Variants in FAM120A observed in about 807,000 individuals in gnomAD.
FAM120A encodes family with sequence similarity 120 member A.
Under a neutral mutation model 109.7 loss-of-function variants are expected in FAM120A, and 15 were observed. The ratio of observed to expected loss-of-function variants is 0.14; its 90% CI spans 0.09 to 0.21. The LOEUF (loss-of-function observed/expected upper bound fraction) is 0.21. FAM120A is among the 10% of genes least tolerant of loss of function. FAM120A has a pLI of 1.00. For missense variants in FAM120A, 899 were observed against 1,439.3 expected, an observed-to-expected ratio of 0.62 and a Z score of 6.07; for synonymous variants, 493 against 572.8, an observed-to-expected ratio of 0.86 and a Z score of 1.99.
chr9:93,494,495 C>T (rs1351800763), intron 3 of FAM120A, among the ~76,000 whole-genome samples: 2 of 152,172 alleles, frequency 1.3e-5, no homozygotes, highest in East Asian at 1.9e-4. Flanking sequence ...TGCCTCACTC[C>T]AGCATTCGTG....
Position 93,532,481 on chromosome 9 carries a change from A to C in FAM120A, c.1909+152A>C. The C allele has an allele frequency of 1.4e-6, 1 of 709,198 alleles. No individual in the cohort carries two copies. Among genetic ancestry groups the C allele is most frequent in the Non-Finnish European group, 2.4e-6 (1 of 419,604 alleles). 43.9% of individuals were successfully genotyped at this position (709,198 alleles called of 1,614,324 possible). On this transcript the variant is annotated intron_variant, in intron 10 of 17. Transcript: ENST00000277165. The surrounding 1 kb of genome is among the most constrained non-coding windows in gnomAD (Gnocchi z 4.3). ...CATCATCGGGGCAGTAGGCCAGGGT[A>C]AAGGCTCTTAGAAAAGGAGGAGAAG...
chr9:93,519,789 C>A (rs995980361), intron 7 of FAM120A, among the ~76,000 whole-genome samples: 3 of 151,876 alleles, frequency 2.0e-5, no homozygotes, highest in Admixed American at 2.0e-4. Context: ...TAGTGATGGG[C>A]GATGGGGATT....
chr9:93,520,784 T>C (rs1564341897), intron 7 of FAM120A, among the ~76,000 whole-genome samples: 1 of 152,216 alleles, frequency 6.6e-6, no homozygotes, highest in Non-Finnish European at 1.5e-5. Context: ...AATATGCTCT[T>C]GTAACCCCAA....
chr9:93,463,950 C>A (rs1486725112), intron 1 of FAM120A, among the ~76,000 whole-genome samples: 1 of 152,166 alleles, frequency 6.6e-6, no homozygotes, highest in Non-Finnish European at 1.5e-5. Flanking sequence ...TGCTTCTGAG[C>A]TGTTTACATG....
At chr9:93,556,930 T>C (rs1234705796) in intron 13 of FAM120A, among the ~76,000 whole-genome samples, 1 of 152,202 alleles carries the variant, frequency 6.6e-6, no homozygotes, top group African/African-American at 2.4e-5. Flanking sequence ...TATATAATCT[T>C]ATTTCATGTG....
In FAM120A at chr9:93,503,828, C is replaced by CA. The variant is rs199783973; in HGVS notation, c.1030+4952dup. 2.9e-4 allele frequency among the ~76,000 whole-genome samples: 42 copies of CA among 145,164 alleles called. 1 individual carries two copies. The highest frequency in any genetic ancestry group is 1.5e-3 in the South Asian group (7 of 4,580). ...AGATTTTTGTAACCTTGAAACTGCT[C>CA]AAAAAAAAAAGTATATATATATATA... On this transcript the variant is annotated intron_variant, in intron 5 of 17. Transcript: ENST00000277165.
At chr9:93,542,864 C>T (rs764517327) in intron 10 of FAM120A, among the ~76,000 whole-genome samples, 11 of 152,178 alleles carry the variant, frequency 7.2e-5, no homozygotes, top group Admixed American at 7.2e-4. Context: ...CCACATACTT[C>T]CGTGAATTAC....
chr9:93,467,258 C>CG lies in FAM120A; in HGVS notation c.475-3883_475-3882insG, dbSNP rs56698785. On this transcript the variant is annotated intron_variant, in intron 1 of 17. Coordinates refer to ENST00000277165, the MANE Select transcript of FAM120A (RefSeq NM_014612.5). The stretch of plus-strand genomic sequence containing the variant: ...CAGATCTGCTGTCACCCCCCCCCCC[C>CG]TTTTCCCCCATTGAATAACTGTGGA... 8.3e-4 allele frequency among the ~76,000 whole-genome samples: 41 copies of CG among 49,170 alleles called. 1 individual carries two copies. Among genetic ancestry groups the CG allele is most frequent in the East Asian group, 3.8e-3 (4 of 1,062 alleles). The allele number at this position is 49,170 out of a possible 152,430, so 32.3% of individuals were successfully genotyped here. A position where few individuals can be genotyped will look rare whatever the true frequency, so the allele number is the denominator to read the frequency against.
At position 93,521,159 on chromosome 9, in the gene FAM120A, A is replaced by T. The variant is rs75058734; in HGVS notation, c.1418+4890A>T. Among the ~76,000 whole-genome samples, 69 of 152,342 alleles carry T rather than the reference A, an allele frequency of 4.5e-4. 1 individual carries two copies. The East Asian group carries it at 0.013, about 29-fold the overall frequency. ...GCCTGCCCGATGTATTTTTCCAAAA[A>T]AATTGAAGGTGAACCTGTTGGAAGC... is the stretch of plus-strand genomic sequence containing the variant. On this transcript the variant is annotated intron_variant, in intron 7 of 17. Coordinates refer to ENST00000277165, the MANE Select transcript of FAM120A (RefSeq NM_014612.5).
chr9:93,465,919 C>G (rs559420790), intron 1 of FAM120A, among the ~76,000 whole-genome samples: 2 of 152,012 alleles, frequency 1.3e-5, no homozygotes, highest in African/African-American at 4.8e-5. Context: ...ATAGAATGTC[C>G]CCGATTTGGG....
At chr9:93,497,629 A>G (rs1274734435) in intron 4 of FAM120A, 30 bp downstream of exon 4, 5 of 1,590,440 alleles carry the variant, frequency 3.1e-6, no homozygotes, top group Non-Finnish European at 4.3e-6. Context: ...AAACAAAAAA[A>G]CAGATTCATG....
At position 93,514,794 on chromosome 9, in the gene FAM120A, C is replaced by T. The variant is rs573725116; in HGVS notation, c.1031-873C>T. On this transcript the variant is annotated intron_variant, in intron 5 of 17. Coordinates refer to ENST00000277165, the MANE Select transcript of FAM120A (RefSeq NM_014612.5). Reference sequence around the variant, plus strand: ...TGGGCACCATCTACTCACTCATTCACTTCTGTTGGCTGACGTGGCCCCTGA... The same window carrying T: ...TGGGCACCATCTACTCACTCATTCATTTCTGTTGGCTGACGTGGCCCCTGA... Among the ~76,000 whole-genome samples, 3 of 152,342 alleles carry T rather than the reference C, an allele frequency of 2.0e-5. No homozygotes were observed. The East Asian group carries it at 5.8e-4, about 29-fold the overall frequency.
intron 1 of FAM120A, among the ~76,000 whole-genome samples, chr9:93,454,553 A>G (rs1249698441): frequency 2.0e-5 from 3 of 152,228 alleles, no homozygotes; most frequent in Non-Finnish European, 4.4e-5. Context: ...GCTTGAGAAG[A>G]GGATGAAGAG....
At chr9:93,490,116 A>G (rs1859249632) in intron 3 of FAM120A, among the ~76,000 whole-genome samples, 1 of 152,212 alleles carries the variant, frequency 6.6e-6, no homozygotes, top group South Asian at 2.1e-4. Flanking sequence ...TCATCCATGA[A>G]TGAATATTGA....
At chr9:93,549,576 C>T (rs1862023115) in intron 11 of FAM120A, among the ~76,000 whole-genome samples, 2 of 152,168 alleles carry the variant, frequency 1.3e-5, no homozygotes, top group African/African-American at 4.8e-5. Flanking sequence ...CCAACTCTAA[C>T]CCTGGGTTTT....
chr9:93,534,001 C>T (rs1411220219), intron 10 of FAM120A, among the ~76,000 whole-genome samples: 2 of 152,204 alleles, frequency 1.3e-5, no homozygotes, highest in East Asian at 3.8e-4. Context: ...CAGTCCCCTA[C>T]CCCTCCAGTG....
intron 7 of FAM120A, among the ~76,000 whole-genome samples, chr9:93,518,113 G>C (rs1860677309): frequency 1.3e-5 from 2 of 152,146 alleles, no homozygotes; most frequent in Non-Finnish European, 2.9e-5. Flanking sequence ...AGGAATGCAG[G>C]GTACACCCTA....
chr9:93,523,174 A>G, intron 7 of FAM120A: 1 of 398,222 alleles, frequency 2.5e-6, no homozygotes. Flanking sequence ...TAAAATAGCT[A>G]AAAGAATTTT....
chr9:93,502,248 C>CA (rs1564330369), intron 5 of FAM120A, among the ~76,000 whole-genome samples: 1 of 147,800 alleles, frequency 6.8e-6, no homozygotes, highest in African/African-American at 2.7e-5. Context: ...TTAGGGTAAT[C>CA]ATATTATAAG....
Sources: allele counts gnomAD v4.1 joint callset (sites outside exome capture counted in the v4.1 genomes callset), GRCh38; gene constraint gnomAD v4.1.1; non-coding constraint Gnocchi (gnomAD v3.1); transcripts MANE v1.5; gene names NCBI Gene and HGNC (gene_info 2026-07-23, HGNC 2026-07-21).